Variants in NME7 observed in about 807,000 individuals in gnomAD.
NME7 encodes NME/NM23 family member 7.
Under a neutral mutation model 49.1 loss-of-function variants are expected in NME7, and 41 were observed. The ratio of observed to expected loss-of-function variants is 0.83; its 90% CI spans 0.65 to 1.08. The LOEUF (loss-of-function observed/expected upper bound fraction) is 1.08. Among genes scored for constraint, NME7 ranks in the 50% least tolerant of loss-of-function variants. NME7 has a pLI of 0.00. For missense variants in NME7, 423 were observed against 463.4 expected, an observed-to-expected ratio of 0.91 and a Z score of 0.80; for synonymous variants, 139 against 150.6, an observed-to-expected ratio of 0.92 and a Z score of 0.56.
intron 2 of NME7, among the ~76,000 whole-genome samples, chr1:169,323,835 CTTTTTTTTTTTT>C (rs33970981): frequency 5.1e-4 from 43 of 84,294 alleles, no homozygotes; most frequent in African/African-American, 1.9e-3. Context: ...CCATTTCAGT[CTTTTTTTTTTTT>C]TTTTTTTTTT....
intron 7 of NME7, among the ~76,000 whole-genome samples, chr1:169,240,851 T>C (rs1199413270): frequency 6.6e-6 from 1 of 152,134 alleles, no homozygotes; most frequent in Non-Finnish European, 1.5e-5. Flanking sequence ...TCCAAGGTTC[T>C]AAGTTTAGTT....
At chr1:169,207,235 G>C (rs2101787554) in intron 10 of NME7, among the ~76,000 whole-genome samples, 1 of 152,194 alleles carries the variant, frequency 6.6e-6, no homozygotes, top group Non-Finnish European at 1.5e-5. Context: ...TTAACAAACA[G>C]TTCTCAAGGA....
At chr1:169,323,861 T>G (rs1651952340) in intron 2 of NME7, among the ~76,000 whole-genome samples, 1 of 81,384 alleles carries the variant, frequency 1.2e-5, no homozygotes, top group Admixed American at 1.5e-4. Flanking sequence ...TTTTTTTTTT[T>G]GAGACAAGAG....
At chr1:169,162,300 G>A (rs943579808) in intron 11 of NME7, among the ~76,000 whole-genome samples, 4 of 151,790 alleles carry the variant, frequency 2.6e-5, no homozygotes, top group South Asian at 2.1e-4. Context: ...GGAAGAACCC[G>A]TTGGGCAATT....
intron 10 of NME7, among the ~76,000 whole-genome samples, chr1:169,196,950 G>T (rs979595583): frequency 1.3e-5 from 2 of 152,156 alleles, no homozygotes; most frequent in African/African-American, 4.8e-5. Context: ...ATAAGATGCT[G>T]ATTCCTAATC....
At chr1:169,174,961 C>G (rs1361977768) in intron 10 of NME7, among the ~76,000 whole-genome samples, 1 of 152,084 alleles carries the variant, frequency 6.6e-6, no homozygotes, top group Non-Finnish European at 1.5e-5. Context: ...GTAAATTAAC[C>G]TTAGCTTACT....
chr1:169,219,362 T>A (rs1243514215), intron 10 of NME7, among the ~76,000 whole-genome samples: 1 of 152,224 alleles, frequency 6.6e-6, no homozygotes, highest in African/African-American at 2.4e-5. Context: ...AATTAAGTGA[T>A]GTGTAGGCAT....
chr1:169,358,451 G>A (rs998429958), intron 1 of NME7, among the ~76,000 whole-genome samples: 7 of 152,136 alleles, frequency 4.6e-5, no homozygotes, highest in African/African-American at 1.7e-4. Flanking sequence ...ACATCAGTTT[G>A]TTTGTACTTC....
chr1:169,289,455 A>C (rs918447733), intron 6 of NME7, among the ~76,000 whole-genome samples: 1 of 152,194 alleles, frequency 6.6e-6, no homozygotes, highest in Non-Finnish European at 1.5e-5. Context: ...CAAATGAGAA[A>C]AATGAGACTC....
intron 9 of NME7, among the ~76,000 whole-genome samples, chr1:169,233,015 T>A (rs1647706712): frequency 2.0e-5 from 3 of 147,840 alleles, no homozygotes; most frequent in Non-Finnish European, 4.4e-5. Flanking sequence ...GCCTCCAGGG[T>A]TCAAGCTATT....
chr1:169,340,689 G>A (rs1489967429), intron 1 of NME7, among the ~76,000 whole-genome samples: 2 of 152,216 alleles, frequency 1.3e-5, no homozygotes, highest in Non-Finnish European at 2.9e-5. Context: ...AGGCTGAGGT[G>A]GTCTCAGATG....
At chr1:169,311,098 A>G (rs1004427425) in intron 3 of NME7, among the ~76,000 whole-genome samples, 11 of 152,254 alleles carry the variant, frequency 7.2e-5, no homozygotes, top group Middle Eastern at 3.4e-3. Context: ...TTTTTCACCA[A>G]TAAGACAAAC....
At chr1:169,198,393 C>T (rs946256844) in intron 10 of NME7, among the ~76,000 whole-genome samples, 1 of 151,978 alleles carries the variant, frequency 6.6e-6, no homozygotes, top group Non-Finnish European at 1.5e-5. Flanking sequence ...TATATTCCCA[C>T]AAAAACTTGT....
Position 169,169,463 on chromosome 1 carries a change from T to G in NME7, c.1082A>C (p.Glu361Ala). The change falls in exon 11 of 12, where the codon GAG (glutamate) becomes GCG (alanine). Residue 361 changes from glutamate to alanine, a missense_variant. By Grantham distance (107) the Glu-to-Ala change is moderately radical. Transcript: ENST00000367811. ...TTATCTTACCTCTAATAGGCCATCCTCTGGCAGATCAGTACAGTGAACAGC... is the reference window on the plus strand; with the variant it reads ...TTATCTTACCTCTAATAGGCCATCCGCTGGCAGATCAGTACAGTGAACAGC... ...QNAVHCTDLP[E>A]DGLLEVQYFF... The G allele has an allele frequency of 6.2e-7, 1 of 1,613,616 alleles. No individual in the cohort carries two copies. The highest frequency in any genetic ancestry group is 8.5e-7 in the Non-Finnish European group (1 of 1,179,654).
At chr1:169,136,629 T>C (rs142231962) in intron 11 of NME7, among the ~76,000 whole-genome samples, 51 of 152,296 alleles carry the variant, frequency 3.3e-4, no homozygotes, top group African/African-American at 9.6e-4. Flanking sequence ...TTCCCCTCCT[T>C]CTTCTGCCAT....
chr1:169,303,143 A>G lies in NME7; in HGVS notation c.440+2T>C. The G allele has an allele frequency of 6.4e-7, 1 of 1,566,112 alleles. No individual in the cohort carries two copies. Among genetic ancestry groups the G allele is most frequent in the Non-Finnish European group, 8.7e-7 (1 of 1,149,196 alleles). Reference sequence around the variant, plus strand: ...CCACTAATCCCCAAATTAAGGACCTACTTGAAAAAGGGTCTTGACTGGTGA... The same window carrying G: ...CCACTAATCCCCAAATTAAGGACCTGCTTGAAAAAGGGTCTTGACTGGTGA... On this transcript the variant is annotated splice_donor_variant, in intron 5 of 11. Coordinates refer to ENST00000367811, the MANE Select transcript of NME7 (RefSeq NM_013330.5). LOFTEE classifies it high-confidence loss of function.
At chr1:169,333,176 C>T (rs1358558279) in intron 1 of NME7, among the ~76,000 whole-genome samples, 1 of 152,018 alleles carries the variant, frequency 6.6e-6, no homozygotes, top group Non-Finnish European at 1.5e-5. Context: ...AACTGGAGAT[C>T]ATTATGTTAA....
chr1:169,289,803 C>T (rs1650429117), intron 6 of NME7, among the ~76,000 whole-genome samples: 1 of 152,022 alleles, frequency 6.6e-6, no homozygotes, highest in Non-Finnish European at 1.5e-5. Context: ...AATATATCTT[C>T]TTAGTGAAAC....
At chr1:169,231,614 T>C (rs1351249295) in intron 9 of NME7, among the ~76,000 whole-genome samples, 1 of 152,158 alleles carries the variant, frequency 6.6e-6, no homozygotes, top group Non-Finnish European at 1.5e-5. Context: ...TACTTGAGGC[T>C]GGGGAAAGAA....
Sources: gnomAD v4.1 joint callset for allele counts (sites outside exome capture counted in the v4.1 genomes callset) on GRCh38, gnomAD v4.1.1 for gene constraint, MANE v1.5 for transcripts, NCBI Gene and HGNC (gene_info 2026-07-23, HGNC 2026-07-21) for gene names.